The following SNX29 variants were observed in gnomAD, a reference collection of about 807,000 sequenced individuals.
SNX29 encodes sorting nexin 29.
Under a neutral mutation model 102.1 loss-of-function variants are expected in SNX29, and 78 were observed. The observed-to-expected ratio is 0.76, with a 90% CI of 0.64 to 0.92. The LOEUF (loss-of-function observed/expected upper bound fraction) is 0.92. Ranked by LOEUF, SNX29 falls within the 40% of genes least tolerant of loss-of-function variation. SNX29 has a pLI of 0.00. For synonymous variants in SNX29, 580 were observed against 414.5 expected (o/e 1.40, Z -4.85); for missense variants, 1,280 against 1,061.7 (o/e 1.21, Z -2.86).
chr16:12,217,784 C>G (rs2077364435), intron 14 of SNX29, among the ~76,000 whole-genome samples: 1 of 152,184 alleles, frequency 6.6e-6, no homozygotes. Flanking sequence ...AGACCCAGGT[C>G]TAAATCTTGG....
chr16:12,519,306 A>C (rs946480144), intron 19 of SNX29, among the ~76,000 whole-genome samples: 1 of 152,230 alleles, frequency 6.6e-6, no homozygotes, highest in Non-Finnish European at 1.5e-5. Flanking sequence ...AGGTGATCGC[A>C]GGGGGAGTCC....
chr16:12,521,684 C>T (rs908388282), intron 19 of SNX29, among the ~76,000 whole-genome samples: 1 of 152,162 alleles, frequency 6.6e-6, no homozygotes, highest in Admixed American at 6.5e-5. Context: ...AAAAACTAGG[C>T]TTCATGAGCT....
intron 13 of SNX29, among the ~76,000 whole-genome samples, chr16:12,133,403 A>C (rs987117617): frequency 7.0e-6 from 1 of 142,654 alleles, no homozygotes; most frequent in Non-Finnish European, 1.5e-5. Context: ...CAATTCTCCC[A>C]CTTCAGCCTC....
intron 15 of SNX29, among the ~76,000 whole-genome samples, chr16:12,296,004 T>C (rs1012195728): frequency 1.3e-5 from 2 of 152,278 alleles, no homozygotes; most frequent in African/African-American, 2.4e-5. Context: ...CAGTTCCTAC[T>C]ATGTAATATG....
chr16:12,023,314 G>T (rs1181006267), intron 3 of SNX29, among the ~76,000 whole-genome samples: 4 of 150,852 alleles, frequency 2.7e-5, no homozygotes, highest in African/African-American at 9.8e-5. Context: ...AAATGGCAAG[G>T]AGGCAGCTGA....
chr16:12,409,311 C>T (rs1567534293), intron 18 of SNX29, among the ~76,000 whole-genome samples: 1 of 152,096 alleles, frequency 6.6e-6, no homozygotes, highest in East Asian at 1.9e-4. Flanking sequence ...CTGGCACTTC[C>T]ATATGACAGA....
chr16:12,310,843 C>A (rs1336417851), intron 15 of SNX29, among the ~76,000 whole-genome samples: 1 of 152,134 alleles, frequency 6.6e-6, no homozygotes, highest in Non-Finnish European at 1.5e-5. Flanking sequence ...CCCAGGGCAT[C>A]CTGGCACATA....
intron 20 of SNX29, among the ~76,000 whole-genome samples, chr16:12,528,897 G>A (rs1367068015): frequency 6.6e-6 from 1 of 152,142 alleles, no homozygotes; most frequent in African/African-American, 2.4e-5. Context: ...AAAAACCAGT[G>A]GGTAGAAATT....
intron 19 of SNX29, among the ~76,000 whole-genome samples, chr16:12,510,931 G>A (rs2089589859): frequency 6.6e-6 from 1 of 152,064 alleles, no homozygotes; most frequent in Non-Finnish European, 1.5e-5. Flanking sequence ...TTCCTGTGGG[G>A]AGACAGGCTG....
At chr16:12,532,085 A>T (rs1349750312) in intron 20 of SNX29, among the ~76,000 whole-genome samples, 2 of 152,226 alleles carry the variant, frequency 1.3e-5, no homozygotes, top group African/African-American at 4.8e-5. Context: ...GGACAGGAAC[A>T]TGTGGGAGAG....
intron 20 of SNX29, among the ~76,000 whole-genome samples, chr16:12,536,689 T>G (rs1169586384): frequency 2.0e-5 from 3 of 152,098 alleles, no homozygotes; most frequent in African/African-American, 7.2e-5. Context: ...TTAAGAGGTG[T>G]TCAGGGGGCT....
chr16:12,037,537 G>A (rs1344795575), intron 4 of SNX29, among the ~76,000 whole-genome samples: 2 of 152,098 alleles, frequency 1.3e-5, no homozygotes, highest in African/African-American at 4.8e-5. Flanking sequence ...CATGGTTCCG[G>A]CCAGTTAATT....
At chr16:12,004,813 T>G (rs950251446) in intron 3 of SNX29, among the ~76,000 whole-genome samples, 1 of 152,252 alleles carries the variant, frequency 6.6e-6, no homozygotes. Flanking sequence ...TATCCATTCC[T>G]TCTTTGCTTA....
intron 20 of SNX29, among the ~76,000 whole-genome samples, chr16:12,555,665 G>A (rs987957751): frequency 3.9e-5 from 6 of 151,976 alleles, no homozygotes; most frequent in South Asian, 2.1e-4. Context: ...TGTCACTCCT[G>A]CACGAAGTCT....
rs67550670 is a variant in SNX29, at chr16:12,182,189, G to GTT, written c.1596-17392_1596-17391dup. 1.0e-3 allele frequency among the ~76,000 whole-genome samples: 127 copies of GTT among 122,024 alleles called. 1 individual carries two copies. The highest frequency in any genetic ancestry group is 1.2e-3 in the Non-Finnish European group (70 of 59,710). 80.1% of individuals were successfully genotyped at this position (122,024 alleles called of 152,430 possible). On this transcript the variant is annotated intron_variant, in intron 13 of 20. Coordinates refer to ENST00000566228, the MANE Select transcript of SNX29 (RefSeq NM_032167.5). Reference sequence around the variant, plus strand: ...GGCATGAGCCACTGTGCCCGGCCTAGTTTTTTTTTTTTTTTTTTTTTAATG... The same window carrying GTT: ...GGCATGAGCCACTGTGCCCGGCCTAGTTTTTTTTTTTTTTTTTTTTTTTAATG...
chr16:12,267,930 A>G (rs930553694), intron 14 of SNX29, among the ~76,000 whole-genome samples: 2 of 152,026 alleles, frequency 1.3e-5, no homozygotes, highest in Admixed American at 6.6e-5. Flanking sequence ...TTTCCTACCA[A>G]TGTCTCCCTC....
chr16:12,335,266 G>C lies in SNX29; in HGVS notation c.1783-20897G>C, dbSNP rs528117947. Reference sequence around the variant, plus strand: ...GGGAGGTAGGGGGAGGAGTCATCCAGACTTGGAAAAGATTCTTTAATTTTA... The same window carrying C: ...GGGAGGTAGGGGGAGGAGTCATCCACACTTGGAAAAGATTCTTTAATTTTA... On this transcript the variant is annotated intron_variant, in intron 15 of 20. Transcript: ENST00000566228. Among the ~76,000 whole-genome samples, 337 of 152,230 alleles carry C rather than the reference G, an allele frequency of 2.2e-3. 2 individuals carry two copies. The highest frequency in any genetic ancestry group is 3.2e-3 in the Non-Finnish European group (219 of 68,032).
At chr16:12,520,783 C>G (rs1033384722) in intron 19 of SNX29, among the ~76,000 whole-genome samples, 34 of 151,982 alleles carry the variant, frequency 2.2e-4, no homozygotes, top group Middle Eastern at 3.4e-3. Context: ...TAATAATGGA[C>G]TTTGGGGACT....
intron 20 of SNX29, among the ~76,000 whole-genome samples, chr16:12,547,188 A>G (rs563204284): frequency 8.5e-5 from 13 of 152,360 alleles, no homozygotes; most frequent in Middle Eastern, 3.4e-3. Context: ...GGAAGATGAC[A>G]GGGATAGTTT....
Sources: gnomAD v4.1 joint callset for allele counts (sites outside exome capture counted in the v4.1 genomes callset) on GRCh38, gnomAD v4.1.1 for gene constraint, MANE v1.5 for transcripts, NCBI Gene and HGNC (gene_info 2026-07-23, HGNC 2026-07-21) for gene names.